Variants in MAP3K1 observed in about 807,000 individuals in gnomAD.
MAP3K1 encodes the protein mitogen-activated protein kinase kinase kinase 1.
Under a neutral mutation model 144.2 loss-of-function variants are expected in MAP3K1, and 36 were observed. The observed-to-expected ratio is 0.25, with a 90% CI of 0.19 to 0.33. The LOEUF is 0.33. MAP3K1 is among the 10% of genes least tolerant of loss of function. The pLI, the probability that MAP3K1 is intolerant of heterozygous loss-of-function variation, is 1.00. For synonymous variants in MAP3K1, 718 were observed against 688.7 expected (o/e 1.04, Z -0.67); for missense variants, 1,650 against 1,881.9 (o/e 0.88, Z 2.28).
intron 1 of MAP3K1, among the ~76,000 whole-genome samples, chr5:56,818,463 TC>T (rs1428866506): frequency 6.6e-6 from 1 of 152,148 alleles, no homozygotes; most frequent in Non-Finnish European, 1.5e-5. Context: ...TTTTAGAATT[TC>T]CTTCTGATCT....
chr5:56,888,055 T>C, intron 18 of MAP3K1, 171 bp from the exon 19 acceptor site: 1 of 634,734 alleles, frequency 1.6e-6, no homozygotes, highest in Non-Finnish European at 2.7e-6. Context: ...ATTTTTGTGC[T>C]ACCTGGAAAA....
At chr5:56,844,475 G>A (rs887945608) in intron 1 of MAP3K1, among the ~76,000 whole-genome samples, 11 of 151,942 alleles carry the variant, frequency 7.2e-5, no homozygotes, top group African/African-American at 1.2e-4. Context: ...CACCGTGCCC[G>A]GCCTAGGATA....
intron 1 of MAP3K1, among the ~76,000 whole-genome samples, chr5:56,822,062 C>T (rs1384994437): frequency 1.3e-5 from 2 of 152,014 alleles, no homozygotes; most frequent in Admixed American, 1.3e-4. Context: ...GCTCTGTTGC[C>T]CAGGCTGGAG....
chr5:56,850,411 C>T (rs770455935), intron 1 of MAP3K1, among the ~76,000 whole-genome samples: 5 of 152,104 alleles, frequency 3.3e-5, no homozygotes, highest in African/African-American at 2.4e-5. Flanking sequence ...AGGTTTTCTA[C>T]GATCGTTATA....
Position 56,882,322 on chromosome 5 carries a change from A to T in MAP3K1, c.3122A>T (p.Lys1041Ile), listed in dbSNP as rs761299133. 2.0e-5 allele frequency: 33 copies of T among 1,614,016 alleles called. No individual in the cohort carries two copies. The highest frequency in any genetic ancestry group is 2.6e-5 in the Non-Finnish European group (31 of 1,180,024). Residue 1041 changes from lysine to isoleucine, a missense_variant, in exon 14 of 20, where the codon AAA (lysine) becomes ATA (isoleucine). Transcript: ENST00000399503. ...RNCPENKDSD[K>I]LSPVFTQSRP... ...TGTCCTGAAAACAAAGACTCAGATA[A>T]ACTTTCCCCAGTCTTTACTCAGTCA...
At chr5:56,863,487 A>G (rs1042759670) in intron 3 of MAP3K1, among the ~76,000 whole-genome samples, 4 of 152,192 alleles carry the variant, frequency 2.6e-5, no homozygotes, top group Admixed American at 6.5e-5. Flanking sequence ...TTAGTACTCC[A>G]TTTTTAATTG....
chr5:56,838,135 A>G (rs1166290594), intron 1 of MAP3K1, among the ~76,000 whole-genome samples: 1 of 152,230 alleles, frequency 6.6e-6, no homozygotes, highest in Non-Finnish European at 1.5e-5. Flanking sequence ...TTGGTCCGGT[A>G]TCAGTCAGAG....
In MAP3K1 at chr5:56,865,944, C is replaced by T. The variant is rs1244573022; in HGVS notation, c.1268C>T (p.Ser423Leu). ...SRMSNSHTLSSSSTSTSSSEN... is the reference protein window; with the variant it reads ...SRMSNSHTLSLSSTSTSSSEN... ...ATGTCAAATTCTCATACATTGTCAT[C>T]ATCTAGTACTTCTACGTCTAGTTCA... Residue 423 changes from serine to leucine, a missense_variant, in exon 6 of 20, where the codon TCA becomes TTA. By Grantham distance (145) the Ser-to-Leu change is moderately radical (BLOSUM62 -2). Coordinates refer to ENST00000399503, the MANE Select transcript of MAP3K1 (RefSeq NM_005921.2). The T allele has an allele frequency of 6.2e-7, 1 of 1,612,134 alleles. No homozygotes were observed. The highest frequency in any genetic ancestry group is 8.5e-7 in the Non-Finnish European group (1 of 1,178,176).
At chr5:56,884,131 A>G in intron 15 of MAP3K1, among the ~76,000 whole-genome samples, 2 of 152,152 alleles carry the variant, frequency 1.3e-5, no homozygotes, top group East Asian at 3.8e-4. Context: ...CCTGAGCAAC[A>G]GAGCAAGACT....
intron 1 of MAP3K1, among the ~76,000 whole-genome samples, chr5:56,852,917 A>C (rs1747219779): frequency 6.6e-6 from 1 of 152,040 alleles, no homozygotes. Flanking sequence ...ACACACACAC[A>C]CTCATCTAGT....
At chr5:56,872,519 CATTT>C in intron 7 of MAP3K1, 118 bp from the exon 8 acceptor site, 5 of 689,608 alleles carry the variant, frequency 7.3e-6, no homozygotes, top group Non-Finnish European at 1.0e-5. Flanking sequence ...TTCAGATAAA[CATTT>C]AATTAGATTA....
intron 10 of MAP3K1, among the ~76,000 whole-genome samples, chr5:56,877,410 T>C (rs1388223523): frequency 2.6e-5 from 4 of 152,078 alleles, no homozygotes; most frequent in Non-Finnish European, 5.9e-5. Flanking sequence ...GATACCAGGC[T>C]CCATGGAGGC....
At chr5:56,828,035 T>C (rs1746372537) in intron 1 of MAP3K1, among the ~76,000 whole-genome samples, 1 of 151,756 alleles carries the variant, frequency 6.6e-6, no homozygotes, top group Admixed American at 6.5e-5. Context: ...TAACTGTAGA[T>C]AATACTCTTG....
intron 1 of MAP3K1, among the ~76,000 whole-genome samples, chr5:56,853,100 T>G (rs1207603894): frequency 6.7e-6 from 1 of 150,262 alleles, no homozygotes; most frequent in Non-Finnish European, 1.5e-5. Flanking sequence ...TTACTATATA[T>G]TTCATTGATT....
rs1439664394 is a variant in MAP3K1 at position 56,869,919 on chromosome 5, C to G, written c.1302-1991C>G. ...CTCCATAATTAGGAAAAGAGATGGG[C>G]AGGTACATCAGGAGGGACAGACTAG... On this transcript the variant is annotated intron_variant, in intron 6 of 19. Transcript: ENST00000399503. 4.6e-5 allele frequency among the ~76,000 whole-genome samples: 7 copies of G among 152,220 alleles called. No homozygotes were observed. In the South Asian group the frequency reaches 1.2e-3, roughly 27 times the overall value.
chr5:56,859,890 G>A lies in MAP3K1; in HGVS notation c.809G>A (p.Arg270Lys). Residue 270 changes from arginine to lysine, a missense_variant, in exon 3 of 20, where the codon AGG (arginine) becomes AAG (lysine). Transcript: ENST00000399503. ...RTVKSESPGV[R>K]RKRVSPVPFQ... is the part of the protein sequence containing the mutation. Reference sequence around the variant, plus strand: ...GTGAAATCAGAATCTCCAGGAGTAAGGAGAAAAAGAGTTTCCCCAGTGCCT... The same window carrying A: ...GTGAAATCAGAATCTCCAGGAGTAAAGAGAAAAAGAGTTTCCCCAGTGCCT... The A allele has an allele frequency of 1.2e-6, 2 of 1,613,186 alleles. No individual in the cohort carries two copies. Among genetic ancestry groups the A allele is most frequent in the Non-Finnish European group, 1.7e-6 (2 of 1,179,652 alleles).
At chr5:56,860,920 G>A (rs750424107) in intron 3 of MAP3K1, among the ~76,000 whole-genome samples, 3 of 152,016 alleles carry the variant, frequency 2.0e-5, no homozygotes, top group Non-Finnish European at 4.4e-5. Context: ...TTGAGATGTC[G>A]AAACAAAAAT....
intron 2 of MAP3K1, among the ~76,000 whole-genome samples, chr5:56,856,989 C>T (rs938608911): frequency 6.6e-6 from 1 of 152,170 alleles, no homozygotes. Context: ...TAAACCAAGA[C>T]TGCCCTCTCA....
intron 9 of MAP3K1, among the ~76,000 whole-genome samples, chr5:56,874,400 A>G (rs1354676157): frequency 2.0e-5 from 3 of 152,176 alleles, no homozygotes; most frequent in African/African-American, 4.8e-5. Context: ...CTATAATTCT[A>G]CGTCTACATT....
Sources: allele counts gnomAD v4.1 joint callset (sites outside exome capture counted in the v4.1 genomes callset), GRCh38; gene constraint gnomAD v4.1.1; transcripts MANE v1.5; gene names NCBI Gene and HGNC (gene_info 2026-07-23, HGNC 2026-07-21).